TMEM74: variants seen among roughly 807,000 people sequenced by gnomAD.
TMEM74 encodes transmembrane protein 74.
Under a neutral mutation model 18.1 loss-of-function variants are expected in TMEM74, and 13 were observed. The ratio of observed to expected loss-of-function variants is 0.72; its 90% confidence interval spans 0.47 to 1.14. TMEM74 has a LOEUF of 1.14. Among genes scored for constraint, TMEM74 ranks in the 50% most tolerant of loss-of-function variants. The pLI, the probability that TMEM74 is intolerant of heterozygous loss-of-function variation, is 0.00. For missense variants in TMEM74, 372 were observed against 375.9 expected (o/e 0.99, Z 0.09); for synonymous variants, 159 against 146.6 (o/e 1.08, Z -0.61).
intron 1 of TMEM74, among the ~76,000 whole-genome samples, chr8:108,739,598 G>A (rs184141702): frequency 3.9e-5 from 6 of 152,296 alleles, no homozygotes; most frequent in Admixed American, 3.3e-4. Context: ...ATTGCTATCT[G>A]TTGTAGTTCT....
intron 1 of TMEM74, among the ~76,000 whole-genome samples, chr8:108,682,815 C>A (rs1332217499): frequency 6.6e-6 from 1 of 151,844 alleles, no homozygotes; most frequent in African/African-American, 2.4e-5. Flanking sequence ...ACACTATGGA[C>A]CAACTCCTGC....
In TMEM74 at chr8:108,744,176, G is replaced by A. The variant is rs147263576; in HGVS notation, n.119+43300C>T. 5.2e-3 allele frequency among the ~76,000 whole-genome samples: 791 copies of A among 152,210 alleles called. 4 individuals carry two copies. The highest frequency in any genetic ancestry group is 0.018 in the African/African-American group (741 of 41,530). ...TGGCAAATTCTGAGTGTGGGTTTTG[G>A]TGTCGATCTGACGTCACTTCAGATT... On this transcript the variant is annotated intron_variant and non_coding_transcript_variant, in intron 1 of 3. Transcript: ENST00000518838.
At position 108,629,188 on chromosome 8, in the gene TMEM74, C is replaced by T. The variant is rs191111195; in HGVS notation, n.265-20362G>A. Among the ~76,000 whole-genome samples the T allele has an allele frequency of 2.1e-3, 314 of 152,016 alleles. 1 individual carries two copies. Among genetic ancestry groups the T allele is most frequent in the African/African-American group, 7.1e-3 (295 of 41,474 alleles). On this transcript the variant is annotated intron_variant and non_coding_transcript_variant, in intron 2 of 3. Coordinates refer to the TMEM74 transcript ENST00000518838. ...CAGCACGAGAACTTCATAAAGCATA[C>T]ACAAGTATCAATAGCCAAATCAATC...
At chr8:108,658,932 G>T (rs1182336359) in intron 1 of TMEM74, among the ~76,000 whole-genome samples, 1 of 152,048 alleles carries the variant, frequency 6.6e-6, no homozygotes, top group African/African-American at 2.4e-5. Flanking sequence ...ATCAATGAAA[G>T]AAAATAGAGA....
rs542764922 is a variant in TMEM74 at position 108,733,006 on chromosome 8, G to C, written n.119+54470C>G. On this transcript the variant is annotated intron_variant and non_coding_transcript_variant, in intron 1 of 3. Coordinates refer to the TMEM74 transcript ENST00000518838. The stretch of plus-strand genomic sequence containing the variant: ...ATTGAAAAAAGATGGACAATGTCAA[G>C]CATTTTAGAGAATGTGGAGCATCTG... 5.7e-3 allele frequency among the ~76,000 whole-genome samples: 875 copies of C among 152,218 alleles called. 1 individual carries two copies. The highest frequency in any genetic ancestry group is 8.3e-3 in the Non-Finnish European group (564 of 67,992).
At chr8:108,688,557 A>G (rs1813194905) in intron 1 of TMEM74, among the ~76,000 whole-genome samples, 1 of 152,246 alleles carries the variant, frequency 6.6e-6, no homozygotes, top group Non-Finnish European at 1.5e-5. Flanking sequence ...TGAAGTGGGG[A>G]GAGCAGGAGT....
intron 2 of TMEM74, among the ~76,000 whole-genome samples, chr8:108,626,386 C>T (rs1812493628): frequency 6.6e-6 from 1 of 152,004 alleles, no homozygotes; most frequent in East Asian, 1.9e-4. Flanking sequence ...TGTTGGCTTA[C>T]ATATGTAACA....
At chr8:108,606,875 C>T (rs1445942781) in exon 4 of TMEM74, 1 of 152,186 alleles carries the variant, frequency 6.6e-6, no homozygotes, top group Non-Finnish European at 1.5e-5. Flanking sequence ...TTTTATTGTA[C>T]TCATGGTTTT....
At chr8:108,636,454 G>A (rs567462827) in intron 2 of TMEM74, among the ~76,000 whole-genome samples, 1 of 152,120 alleles carries the variant, frequency 6.6e-6, no homozygotes, top group South Asian at 2.1e-4. Context: ...AAAAGAGTGA[G>A]CATTATACTC....
intron 2 of TMEM74, among the ~76,000 whole-genome samples, chr8:108,613,390 C>T (rs1407065710): frequency 6.6e-6 from 1 of 152,196 alleles, no homozygotes; most frequent in East Asian, 1.9e-4. Flanking sequence ...CATGTGTGCC[C>T]ACTGGCATGC....
At chr8:108,639,733 A>G (rs982216849) in intron 2 of TMEM74, among the ~76,000 whole-genome samples, 3 of 152,194 alleles carry the variant, frequency 2.0e-5, no homozygotes, top group South Asian at 4.1e-4. Context: ...TTAAAAATGC[A>G]CCCACAGTAC....
chr8:108,729,872 C>T lies in TMEM74; in HGVS notation n.119+57604G>A, dbSNP rs1586276086. Among the ~76,000 whole-genome samples the T allele has an allele frequency of 4.6e-5, 7 of 152,300 alleles. No individual in the cohort carries two copies. The South Asian group carries it at 1.5e-3, about 32-fold the overall frequency. ...AGCCTGGCTGGGGAAACATCTCAAA[C>T]ATAATTTGCAGAAACAGAGTGTGGT... is the stretch of plus-strand genomic sequence containing the variant. On this transcript the variant is annotated intron_variant and non_coding_transcript_variant, in intron 1 of 3. Transcript: ENST00000518838.
chr8:108,632,068 G>A (rs903675558), intron 2 of TMEM74, among the ~76,000 whole-genome samples: 5 of 152,008 alleles, frequency 3.3e-5, no homozygotes, highest in Admixed American at 2.0e-4. Context: ...GAAGGCCACA[G>A]TAGAGATTAA....
intron 2 of TMEM74, among the ~76,000 whole-genome samples, chr8:108,628,032 T>G (rs1175316302): frequency 1.3e-5 from 2 of 151,974 alleles, no homozygotes; most frequent in Admixed American, 1.3e-4. Flanking sequence ...CATTCCAGCC[T>G]GGGTAACAGA....
intron 2 of TMEM74, among the ~76,000 whole-genome samples, chr8:108,637,692 A>G (rs1812620965): frequency 6.6e-6 from 1 of 152,176 alleles, no homozygotes; most frequent in Admixed American, 6.6e-5. Flanking sequence ...AGCCTACAGA[A>G]GGAAAGAGGA....
intron 2 of TMEM74, among the ~76,000 whole-genome samples, chr8:108,629,650 A>G (rs1198003258): frequency 6.6e-6 from 1 of 152,124 alleles, no homozygotes; most frequent in Non-Finnish European, 1.5e-5. Flanking sequence ...CAGAAACCCT[A>G]CCAGTCAGAA....
chr8:108,656,595 T>A (rs767495960), intron 1 of TMEM74, among the ~76,000 whole-genome samples: 1 of 152,180 alleles, frequency 6.6e-6, no homozygotes, highest in Non-Finnish European at 1.5e-5. Context: ...TATGATTTCA[T>A]TAAGACAAGA....
intron 1 of TMEM74, among the ~76,000 whole-genome samples, chr8:108,691,809 C>A (rs1035384567): frequency 6.6e-6 from 1 of 152,178 alleles, no homozygotes; most frequent in Non-Finnish European, 1.5e-5. Context: ...ACATAAACAT[C>A]ATTCCAATAT....
intron 1 of TMEM74, among the ~76,000 whole-genome samples, chr8:108,768,666 G>A (rs976362904): frequency 1.3e-5 from 2 of 152,052 alleles, no homozygotes; most frequent in African/African-American, 4.8e-5. Flanking sequence ...TGGTAGGTCT[G>A]GGAAAAACTG....
Sources: gnomAD v4.1 joint callset for allele counts (sites outside exome capture counted in the v4.1 genomes callset) on GRCh38, gnomAD v4.1.1 for gene constraint, MANE v1.5 for transcripts, NCBI Gene and HGNC (gene_info 2026-07-23, HGNC 2026-07-21) for gene names.